SGIP1: variants seen among roughly 807,000 people sequenced by gnomAD.
SGIP1 encodes the protein SH3-containing GRB2-like protein 3-interacting protein 1.
SGIP1 carries 38 observed loss-of-function variants against 107.5 expected under a neutral mutation model. The observed-to-expected ratio is 0.35, with a 90% confidence interval of 0.27 to 0.46. The LOEUF is 0.46. SGIP1 is among the 20% of genes least tolerant of loss of function. The pLI, the probability that SGIP1 is intolerant of heterozygous loss-of-function variation, is 1.00. For synonymous variants in SGIP1, 365 were observed against 366.1 expected, an observed-to-expected ratio of 1.00 and a Z score of 0.03; for missense variants, 929 against 1,019.5, an observed-to-expected ratio of 0.91 and a Z score of 1.21.
chr1:66,667,202 A>T lies in SGIP1; in HGVS notation c.472-328A>T, dbSNP rs146200011. 5.3e-3 allele frequency among the ~76,000 whole-genome samples: 808 copies of T among 151,928 alleles called. 6 individuals carry two copies. The highest frequency in any genetic ancestry group is 0.016 in the African/African-American group (679 of 41,302). The stretch of plus-strand genomic sequence containing the variant: ...GTACCCCCCCCCAAACTATCTGGAG[A>T]AAAACTTCTACGGCAAGACATTAAA... On this transcript the variant is annotated intron_variant, in intron 8 of 24. Coordinates refer to ENST00000371037, the MANE Select transcript of SGIP1 (RefSeq NM_032291.4).
At chr1:66,680,504 G>T (rs1346224640) in intron 14 of SGIP1, among the ~76,000 whole-genome samples, 1 of 152,152 alleles carries the variant, frequency 6.6e-6, no homozygotes, top group Non-Finnish European at 1.5e-5. Flanking sequence ...ATGCAGCCTG[G>T]TGAGTTTGAT....
intron 5 of SGIP1, among the ~76,000 whole-genome samples, chr1:66,642,473 C>T (rs1232699390): frequency 6.6e-6 from 1 of 152,200 alleles, no homozygotes; most frequent in African/African-American, 2.4e-5. Context: ...CCGAAACACA[C>T]TTCAATTTCC....
chr1:66,739,017 T>C (rs1347497929), intron 21 of SGIP1, among the ~76,000 whole-genome samples: 3 of 152,074 alleles, frequency 2.0e-5, no homozygotes, highest in Non-Finnish European at 4.4e-5. Context: ...AGCTTGTAAG[T>C]AGAGTTGCAG....
intron 18 of SGIP1, among the ~76,000 whole-genome samples, chr1:66,712,559 G>A (rs1478584838): frequency 6.6e-6 from 1 of 151,926 alleles, no homozygotes; most frequent in African/African-American, 2.4e-5. Context: ...TGTGCATTTT[G>A]CTTTTTTTCT....
At chr1:66,677,207 G>A in intron 13 of SGIP1, 111 bp downstream of exon 13, 1 of 779,936 alleles carries the variant, frequency 1.3e-6, no homozygotes, top group Non-Finnish European at 2.1e-6. Context: ...CATTAGAACT[G>A]AATAATATTA....
intron 17 of SGIP1, among the ~76,000 whole-genome samples, chr1:66,692,796 C>T (rs1315148284): frequency 5.3e-5 from 8 of 152,108 alleles, no homozygotes; most frequent in Admixed American, 5.2e-4. Context: ...AAGTCTAAAC[C>T]TTCTACACAG....
At chr1:66,639,727 G>A (rs1417337862) in intron 4 of SGIP1, 50 bp from the exon 5 acceptor site, 18 of 1,435,482 alleles carry the variant, frequency 1.3e-5, no homozygotes, top group Non-Finnish European at 1.8e-5. Flanking sequence ...TTGTCCCTTT[G>A]TTTTTATTCA....
chr1:66,627,008 G>C (rs1404744752), intron 2 of SGIP1, among the ~76,000 whole-genome samples: 1 of 152,088 alleles, frequency 6.6e-6, no homozygotes, highest in Non-Finnish European at 1.5e-5. Context: ...AAGAATTTAT[G>C]ATTCATGAGA....
intron 24 of SGIP1, 59 bp from the exon 25 acceptor site, chr1:66,743,014 A>G (rs527387032): frequency 6.9e-6 from 11 of 1,585,338 alleles, no homozygotes; most frequent in South Asian, 3.3e-5. Context: ...AGTTACCCAT[A>G]TAATAATTAC....
At chr1:66,733,993 G>C (rs2094127164) in intron 21 of SGIP1, 113 bp downstream of exon 21, 1 of 1,181,074 alleles carries the variant, frequency 8.5e-7, no homozygotes, top group African/African-American at 1.6e-5. Flanking sequence ...GTATTTAAAA[G>C]CTATAACTCA....
chr1:66,623,921 G>T (rs1315880362), intron 1 of SGIP1, among the ~76,000 whole-genome samples: 2 of 152,164 alleles, frequency 1.3e-5, no homozygotes, highest in Non-Finnish European at 2.9e-5. Flanking sequence ...AGTTCATGTT[G>T]GCTATTGTCC....
At position 66,575,698 on chromosome 1, in the gene SGIP1, C is replaced by T. The variant is rs115007149; in HGVS notation, c.10+41330C>T. 2.7e-3 allele frequency among the ~76,000 whole-genome samples: 416 copies of T among 152,270 alleles called. 1 individual carries two copies. The highest frequency in any genetic ancestry group is 9.8e-3 in the African/African-American group (406 of 41,544). Reference sequence around the variant, plus strand: ...CTAACGCTGTATACCCTAAATTATTCATGCCTGGTGCATGCATAGTTTGTG... The same window carrying T: ...CTAACGCTGTATACCCTAAATTATTTATGCCTGGTGCATGCATAGTTTGTG... On this transcript the variant is annotated intron_variant, in intron 1 of 24. Transcript: ENST00000371037.
intron 1 of SGIP1, among the ~76,000 whole-genome samples, chr1:66,563,140 A>G (rs1364448890): frequency 6.6e-6 from 1 of 151,974 alleles, no homozygotes; most frequent in African/African-American, 2.4e-5. Flanking sequence ...CAACATCAAG[A>G]ATTTGGTATA....
At chr1:66,678,321 T>C (rs1208074743) in intron 13 of SGIP1, among the ~76,000 whole-genome samples, 1 of 152,224 alleles carries the variant, frequency 6.6e-6, no homozygotes, top group East Asian at 1.9e-4. Flanking sequence ...GTTTTAACTA[T>C]TGGTATTTCA....
intron 1 of SGIP1, among the ~76,000 whole-genome samples, chr1:66,557,885 A>G (rs1488231259): frequency 1.3e-5 from 2 of 152,142 alleles, no homozygotes; most frequent in African/African-American, 4.8e-5. Flanking sequence ...TCAGTTTTAA[A>G]TACTTAATAC....
intron 7 of SGIP1, among the ~76,000 whole-genome samples, chr1:66,649,018 A>G (rs2078199434): frequency 6.6e-6 from 1 of 152,172 alleles, no homozygotes; most frequent in African/African-American, 2.4e-5. Flanking sequence ...TTCATTACTT[A>G]ACCTAGATTC....
At chr1:66,590,492 C>G (rs2063449399) in intron 1 of SGIP1, 1 of 152,078 alleles carries the variant, frequency 6.6e-6, no homozygotes, top group African/African-American at 2.4e-5. Flanking sequence ...GCCTGGAGTG[C>G]AGTGGTGTGA....
intron 2 of SGIP1, among the ~76,000 whole-genome samples, chr1:66,629,352 T>A (rs1320314004): frequency 6.6e-6 from 1 of 152,194 alleles, no homozygotes; most frequent in Non-Finnish European, 1.5e-5. Flanking sequence ...TATGTTGCGC[T>A]GATATCTTTT....
intron 1 of SGIP1, among the ~76,000 whole-genome samples, chr1:66,602,934 C>A (rs1344395429): frequency 6.6e-6 from 1 of 152,094 alleles, no homozygotes; most frequent in Non-Finnish European, 1.5e-5. Context: ...AAACTTTGGC[C>A]TCTCTGAAAG....
Sources: allele counts gnomAD v4.1 joint callset (sites outside exome capture counted in the v4.1 genomes callset), GRCh38; gene constraint gnomAD v4.1.1; transcripts MANE v1.5; gene names NCBI Gene and HGNC (gene_info 2026-07-23, HGNC 2026-07-21).